SHOC2: variants seen among roughly 807,000 people sequenced by gnomAD.
SHOC2 encodes SHOC2 leucine rich repeat scaffold protein, also known as leucine-rich repeat protein SHOC-2.
A neutral mutation model predicts 50.2 loss-of-function variants in SHOC2; 4 were observed. The observed-to-expected ratio is 0.08, with a 90% CI of 0.04 to 0.18. The LOEUF (loss-of-function observed/expected upper bound fraction) is 0.18. SHOC2 is among the 10% of genes least tolerant of loss of function. The pLI is 1.00. For synonymous variants in SHOC2, 218 were observed against 244.5 expected (o/e 0.89, Z 1.01); for missense variants, 388 against 669.6 (o/e 0.58, Z 4.64).
chr10:110,987,293 C>G (rs1848096700), intron 3 of SHOC2, among the ~76,000 whole-genome samples: 1 of 151,962 alleles, frequency 6.6e-6, no homozygotes, highest in African/African-American at 2.4e-5. Context: ...TTTGAATTAC[C>G]TACCATTACT....
intron 6 of SHOC2, 113 bp from the exon 7 acceptor site, chr10:111,009,135 T>C (rs1011784811): frequency 4.4e-6 from 3 of 681,470 alleles, no homozygotes; most frequent in African/African-American, 3.6e-5. Context: ...AACATCACCC[T>C]TAATATTCAC....
At chr10:110,971,261 C>T (rs548882180) in intron 2 of SHOC2, among the ~76,000 whole-genome samples, 1 of 152,220 alleles carries the variant, frequency 6.6e-6, no homozygotes, top group East Asian at 1.9e-4. Flanking sequence ...TTTCATTCTT[C>T]TGCATATATA....
At chr10:111,007,257 C>CA (rs1848486517) in intron 5 of SHOC2, among the ~76,000 whole-genome samples, 1 of 152,092 alleles carries the variant, frequency 6.6e-6, no homozygotes, top group Non-Finnish European at 1.5e-5. Context: ...TTGAAATCTC[C>CA]AGTGTTTCTC....
At chr10:110,960,956 C>T (rs958059115) in intron 1 of SHOC2, among the ~76,000 whole-genome samples, 4 of 152,150 alleles carry the variant, frequency 2.6e-5, no homozygotes, top group African/African-American at 9.7e-5. Flanking sequence ...GGATTACAGA[C>T]GTGAACCACC....
chr10:110,920,954 T>TA lies in SHOC2; in HGVS notation c.-235+1298dup, dbSNP rs546524482. On this transcript the variant is annotated intron_variant, in intron 1 of 8. Coordinates refer to ENST00000369452, the MANE Select transcript of SHOC2 (RefSeq NM_007373.4). ...GACTACTATATCAAAAGCTTTTTGT[T>TA]ACGGTTTTCAGAATCCTAAGGTACA... is the stretch of plus-strand genomic sequence containing the variant. Among the ~76,000 whole-genome samples the TA allele has an allele frequency of 3.3e-3, 499 of 152,362 alleles. 4 individuals carry two copies. Among genetic ancestry groups the TA allele is most frequent in the African/African-American group, 0.011 (469 of 41,600 alleles).
chr10:110,935,602 C>T (rs974023994), intron 1 of SHOC2, among the ~76,000 whole-genome samples: 6 of 151,964 alleles, frequency 3.9e-5, no homozygotes, highest in Non-Finnish European at 7.4e-5. Context: ...GTCTTGTGTT[C>T]ATATAGTTAC....
chr10:110,989,063 T>G, intron 3 of SHOC2: 1 of 494,628 alleles, frequency 2.0e-6, no homozygotes, highest in South Asian at 1.5e-5. Context: ...GATATATTAT[T>G]GACTTCTAAT....
intron 1 of SHOC2, among the ~76,000 whole-genome samples, chr10:110,960,417 T>C (rs1847549613): frequency 6.6e-6 from 1 of 152,214 alleles, no homozygotes; most frequent in African/African-American, 2.4e-5. Context: ...GATTTGGATG[T>C]TTTATCTCTG....
chr10:110,933,302 G>T (rs1227593197), intron 1 of SHOC2, among the ~76,000 whole-genome samples: 1 of 152,050 alleles, frequency 6.6e-6, no homozygotes, highest in East Asian at 1.9e-4. Flanking sequence ...AAAATCACCT[G>T]TAATTGAAGG....
intron 4 of SHOC2, among the ~76,000 whole-genome samples, chr10:111,002,209 A>G (rs1318542961): frequency 6.6e-6 from 1 of 152,178 alleles, no homozygotes; most frequent in Non-Finnish European, 1.5e-5. Context: ...CCCACTGAAT[A>G]TGGGAAAGTA....
At chr10:110,975,401 C>A (rs1020370809) in intron 2 of SHOC2, among the ~76,000 whole-genome samples, 1 of 152,174 alleles carries the variant, frequency 6.6e-6, no homozygotes, top group Non-Finnish European at 1.5e-5. Context: ...CTCGGCCTCC[C>A]AAAGTGCTGG....
At chr10:110,950,183 A>G (rs1847323785) in intron 1 of SHOC2, among the ~76,000 whole-genome samples, 2 of 152,236 alleles carry the variant, frequency 1.3e-5, no homozygotes, top group Admixed American at 1.3e-4. Context: ...GAATTAATAA[A>G]TGAATTCAGT....
chr10:110,966,610 A>G (rs1847679467), intron 2 of SHOC2, among the ~76,000 whole-genome samples: 1 of 152,172 alleles, frequency 6.6e-6, no homozygotes, highest in South Asian at 2.1e-4. Flanking sequence ...CAAATTACCT[A>G]GGAATTAAGA....
intron 1 of SHOC2, among the ~76,000 whole-genome samples, chr10:110,925,070 C>CA (rs763203844): frequency 0.51 from 41,931 of 82,382 alleles, 10,086 homozygotes; most frequent in Non-Finnish European, 0.57. Flanking sequence ...GACTCTGTCT[C>CA]AAAAAAAAAA....
At chr10:110,945,485 G>A (rs909948094) in intron 1 of SHOC2, among the ~76,000 whole-genome samples, 3 of 152,138 alleles carry the variant, frequency 2.0e-5, no homozygotes, top group African/African-American at 7.2e-5. Flanking sequence ...AAAAATAAAT[G>A]CAACTTGGAT....
At chr10:110,924,798 G>T (rs1846724020) in intron 1 of SHOC2, among the ~76,000 whole-genome samples, 1 of 152,070 alleles carries the variant, frequency 6.6e-6, no homozygotes, top group Admixed American at 6.5e-5. Flanking sequence ...GGCCGGGCGT[G>T]GTGGCTCACG....
chr10:110,990,615 G>A (rs1006065003), intron 3 of SHOC2, among the ~76,000 whole-genome samples: 12 of 152,062 alleles, frequency 7.9e-5, no homozygotes, highest in African/African-American at 2.7e-4. Flanking sequence ...CTACCAATCA[G>A]CAGGACGTGG....
chr10:110,950,925 TG>T (rs1847339023), intron 1 of SHOC2, among the ~76,000 whole-genome samples: 1 of 152,140 alleles, frequency 6.6e-6, no homozygotes, highest in Non-Finnish European at 1.5e-5. Context: ...GAGCGAAAAC[TG>T]TAAAATTACC....
In SHOC2 at chr10:111,000,459, C is replaced by T. The variant is rs199723694; in HGVS notation, c.886C>T (p.Leu296=). The change falls in exon 4 of 9, where the codon CTG becomes TTG. Residue 296 remains leucine (L), a synonymous_variant. Coordinates refer to ENST00000369452, the MANE Select transcript of SHOC2 (RefSeq NM_007373.4). ...LSRLGLRYNR[L]SAIPRSLAKC... is the part of the protein sequence containing the mutation. ...TCGTCTTGGTCTGAGATATAACAGA[C>T]TGTCAGCAATACCCAGATCATTAGC... The T allele has an allele frequency of 2.7e-5, 43 of 1,612,910 alleles. No homozygotes were observed. The Admixed American group carries it at 7.2e-4, about 27-fold the overall frequency.
Sources: allele counts gnomAD v4.1 joint callset (sites outside exome capture counted in the v4.1 genomes callset), GRCh38; gene constraint gnomAD v4.1.1; transcripts MANE v1.5; gene names NCBI Gene and HGNC (gene_info 2026-07-23, HGNC 2026-07-21).